Variants in EIF3H observed in about 807,000 individuals in gnomAD.
EIF3H encodes the protein eukaryotic translation initiation factor 3 subunit H.
EIF3H carries 26 observed loss-of-function variants against 44.2 expected under a neutral mutation model. That is an observed-to-expected ratio of 0.59 (90% confidence interval 0.43 to 0.82). The LOEUF (loss-of-function observed/expected upper bound fraction) is 0.82, where lower values mean the gene tolerates loss of function less well. Among genes scored for constraint, EIF3H ranks in the 40% least tolerant of loss-of-function variants. EIF3H has a pLI of 0.00. For missense variants in EIF3H, 359 were observed against 432.8 expected (o/e 0.83, Z 1.51); for synonymous variants, 166 against 151.9 (o/e 1.09, Z -0.68).
intron 2 of EIF3H, among the ~76,000 whole-genome samples, chr8:116,708,394 T>C (rs2130893843): frequency 6.6e-6 from 1 of 152,130 alleles, no homozygotes; most frequent in African/African-American, 2.4e-5. Context: ...TCAAAATGAA[T>C]ATTTTTCCAA....
chr8:116,650,118 C>G (rs1182257279), intron 5 of EIF3H, among the ~76,000 whole-genome samples: 1 of 152,106 alleles, frequency 6.6e-6, no homozygotes, highest in Non-Finnish European at 1.5e-5. Context: ...TGAATGATAT[C>G]CTGGAGTTGT....
chr8:116,681,371 G>A (rs570845821), intron 2 of EIF3H, among the ~76,000 whole-genome samples: 50 of 149,440 alleles, frequency 3.3e-4, no homozygotes, highest in Non-Finnish European at 5.0e-4. Context: ...AAAAGAAAAG[G>A]TACAAACACT....
At chr8:116,666,025 C>T (rs2130807089) in intron 2 of EIF3H, among the ~76,000 whole-genome samples, 1 of 152,216 alleles carries the variant, frequency 6.6e-6, no homozygotes, top group African/African-American at 2.4e-5. Flanking sequence ...TTATTAATAC[C>T]ACCCTGTGAC....
rs1460139668 is a variant in EIF3H, at chr8:116,726,053, G to T, written c.252C>A (p.Phe84Leu). 1 of 1,613,996 alleles carries T rather than the reference G, an allele frequency of 6.2e-7. No individual in the cohort carries two copies. The highest frequency in any genetic ancestry group is 1.7e-5 in the Admixed American group (1 of 60,004). ...CAGCATCATCCTCTGTGTGCTGAGG[G>T]AAAGGAAAGCAGTTGGTAATTTCAA... ...DRLEITNCFP[F>L]PQHTEDDADF... Residue 84 changes from phenylalanine to leucine, a missense_variant, in exon 2 of 8, where the codon TTC (phenylalanine) becomes TTA (leucine). Phe to Leu is a conservative substitution (Grantham distance 22, BLOSUM62 0). Coordinates refer to ENST00000521861, the MANE Select transcript of EIF3H (RefSeq NM_003756.3).
intron 1 of EIF3H, among the ~76,000 whole-genome samples, chr8:116,750,661 T>C (rs931849755): frequency 4.0e-5 from 6 of 151,858 alleles, no homozygotes; most frequent in African/African-American, 1.4e-4. Flanking sequence ...TCTGCCTGCC[T>C]TGGCCTCCCA....
chr8:116,755,906 A>C, upstream of EIF3H: 1 of 1,552,110 alleles, frequency 6.4e-7, no homozygotes, highest in Non-Finnish European at 8.7e-7. Context: ...AGACGGAAGG[A>C]GAAGCCAAAA....
At chr8:116,697,774 A>G (rs965429213) in intron 2 of EIF3H, among the ~76,000 whole-genome samples, 8 of 152,216 alleles carry the variant, frequency 5.3e-5, no homozygotes, top group African/African-American at 1.9e-4. Flanking sequence ...TGAATTATGC[A>G]ATGCAAATTA....
At chr8:116,751,886 A>T (rs1311657734) in intron 1 of EIF3H, among the ~76,000 whole-genome samples, 2 of 152,352 alleles carry the variant, frequency 1.3e-5, no homozygotes, top group African/African-American at 2.4e-5. Flanking sequence ...AGACTTGCCC[A>T]ATGTCATGCA....
chr8:116,653,443 C>G (rs2130784302), intron 5 of EIF3H, among the ~76,000 whole-genome samples: 1 of 150,922 alleles, frequency 6.6e-6, no homozygotes, highest in Middle Eastern at 3.4e-3. Context: ...CTACCAAGAC[C>G]AATTTTGTGG....
chr8:116,725,546 G>A (rs1336697860), intron 2 of EIF3H, among the ~76,000 whole-genome samples: 1 of 152,106 alleles, frequency 6.6e-6, no homozygotes, highest in Admixed American at 6.5e-5. Context: ...CTCAGCCTTT[G>A]CTAACAAAGG....
chr8:116,745,103 C>A (rs1815209450), intron 1 of EIF3H, among the ~76,000 whole-genome samples: 1 of 152,164 alleles, frequency 6.6e-6, no homozygotes, highest in South Asian at 2.1e-4. Flanking sequence ...ATAAAAAATG[C>A]TTATTGTACA....
At chr8:116,707,448 G>C (rs900889758) in intron 2 of EIF3H, among the ~76,000 whole-genome samples, 2 of 152,114 alleles carry the variant, frequency 1.3e-5, no homozygotes, top group African/African-American at 4.8e-5. Flanking sequence ...TCACAGAACA[G>C]GTGCTTTTTA....
intron 2 of EIF3H, among the ~76,000 whole-genome samples, chr8:116,716,075 A>C (rs1814655534): frequency 6.6e-6 from 1 of 152,104 alleles, no homozygotes; most frequent in Non-Finnish European, 1.5e-5. Flanking sequence ...TTATAATAAC[A>C]GTTTTCTAGG....
intron 3 of EIF3H, chr8:116,658,566 G>A: frequency 2.6e-6 from 1 of 378,642 alleles, no homozygotes. Flanking sequence ...AGGGGAGATG[G>A]AGGAATAGAA....
intron 2 of EIF3H, among the ~76,000 whole-genome samples, chr8:116,669,519 C>T (rs1179914090): frequency 1.3e-5 from 2 of 152,072 alleles, no homozygotes; most frequent in Non-Finnish European, 2.9e-5. Flanking sequence ...AACTGCCCAC[C>T]CAAGTGAATA....
intron 2 of EIF3H, among the ~76,000 whole-genome samples, chr8:116,680,564 A>G (rs1813964719): frequency 1.0e-5 from 1 of 96,852 alleles, no homozygotes; most frequent in Non-Finnish European, 2.1e-5. Flanking sequence ...TGCTGTGTCC[A>G]CTCAGGGTTA....
intron 1 of EIF3H, among the ~76,000 whole-genome samples, chr8:116,764,390 T>C (rs991400118): frequency 2.6e-5 from 4 of 152,246 alleles, no homozygotes; most frequent in African/African-American, 7.2e-5. Flanking sequence ...TACAGATCAT[T>C]TGGCATCTAA....
rs1814830253 is a variant in EIF3H, at chr8:116,726,017, T to A, written c.288A>T (p.Glu96Asp). ...CACACTTGTGATGAACACCCTTACC[T>A]TCATCAAAGTCAGCATCATCCTCTG... is the stretch of plus-strand genomic sequence containing the variant. ...QHTEDDADFD[E>D]VQYQMEMMRS... is the part of the protein sequence containing the mutation. The change falls in exon 2 of 8, where the codon GAA (glutamate) becomes GAT (aspartate). Residue 96 changes from glutamate to aspartate, a missense_variant and splice_region_variant. Around this residue, in one of 5 missense-constraint regions of EIF3H, gnomAD observed 91 missense variants for 164.6 expected, o/e 0.55. Transcript: ENST00000521861. 1 of 1,613,500 alleles carries A rather than the reference T, an allele frequency of 6.2e-7. No individual in the cohort carries two copies. Among genetic ancestry groups the A allele is most frequent in the African/African-American group, 1.3e-5 (1 of 75,014 alleles).
rs1563659869 is a variant in EIF3H, at chr8:116,743,793, TA to T, written c.132+11872del. Among the ~76,000 whole-genome samples, 14 of 66,308 alleles carry T rather than the reference TA, an allele frequency of 2.1e-4. No individual in the cohort carries two copies. In the East Asian group the frequency reaches 8.9e-3, roughly 42 times the overall value. The allele number at this position is 66,308 out of a possible 152,430, so 43.5% of individuals were successfully genotyped here. On this transcript the variant is annotated intron_variant, in intron 1 of 7. Coordinates refer to ENST00000521861, the MANE Select transcript of EIF3H (RefSeq NM_003756.3). ...ACATATATATATATATATATATATATATATAAACACACACACACACACACAC... is the reference window on the plus strand; with the variant it reads ...ACATATATATATATATATATATATATTATAAACACACACACACACACACAC...
Sources: gnomAD v4.1 joint callset for allele counts (sites outside exome capture counted in the v4.1 genomes callset) on GRCh38, gnomAD v4.1.1 for gene constraint, gnomAD v4.1.1 regional missense constraint, MANE v1.5 for transcripts, NCBI Gene and HGNC (gene_info 2026-07-23, HGNC 2026-07-21) for gene names.